Variants in NCOA2 observed in about 807,000 individuals in gnomAD.
NCOA2 encodes class E basic helix-loop-helix protein 75.
In NCOA2, 21 loss-of-function variants were observed where a neutral mutation model predicts 145.1. The observed-to-expected ratio is 0.14, with a 90% CI of 0.10 to 0.21. The LOEUF is 0.21. Ranked by LOEUF, NCOA2 falls within the 10% of genes least tolerant of loss-of-function variation. The pLI is 1.00. For synonymous variants in NCOA2, 619 were observed against 637.5 expected (o/e 0.97, Z 0.44); for missense variants, 1,472 against 1,837.6 (o/e 0.80, Z 3.64).
chr8:70,199,445 C>A (rs1431686732), intron 4 of NCOA2, among the ~76,000 whole-genome samples: 2 of 138,602 alleles, frequency 1.4e-5, no homozygotes, highest in Admixed American at 1.5e-4. Flanking sequence ...GAGTGAGACT[C>A]CATCTCAAAA....
At chr8:70,436,893 G>C in the NCOA2 span, among the ~76,000 whole-genome samples, 1 of 152,224 alleles carries the variant, frequency 6.6e-6, no homozygotes, top group Non-Finnish European at 1.5e-5. Flanking sequence ...TTTAGCTGAG[G>C]GGATTGGGAA....
chr8:70,214,940 T>A (rs1202744150), intron 3 of NCOA2, among the ~76,000 whole-genome samples: 1 of 152,092 alleles, frequency 6.6e-6, no homozygotes, highest in Non-Finnish European at 1.5e-5. Flanking sequence ...ATATAATTAT[T>A]TGTATATAAT....
At chr8:70,366,845 T>A (rs972069682) in intron 1 of NCOA2, among the ~76,000 whole-genome samples, 11 of 152,238 alleles carry the variant, frequency 7.2e-5, no homozygotes, top group African/African-American at 2.2e-4. Context: ...AGAACTCCAG[T>A]AGCCACAATT....
At chr8:70,339,062 A>G (rs186870821) in intron 1 of NCOA2, among the ~76,000 whole-genome samples, 4 of 152,326 alleles carry the variant, frequency 2.6e-5, no homozygotes, top group Admixed American at 1.3e-4. Flanking sequence ...TCTATTATGC[A>G]TAGTACTGGA....
At chr8:70,444,300 C>T in the NCOA2 span, among the ~76,000 whole-genome samples, 12 of 152,070 alleles carry the variant, frequency 7.9e-5, no homozygotes, top group African/African-American at 2.9e-4. Context: ...GACAAAATTA[C>T]AGAGATGGAA....
At position 70,159,665 on chromosome 8, in the gene NCOA2, A is replaced by T. The variant is rs893758713; in HGVS notation, c.977-13T>A. ...CCTTGTCTCAGTACTGCAGGCAAGC[A>T]AGGAAACAGAAGGCACGTTTAGAAA... On this transcript the variant is annotated splice_polypyrimidine_tract_variant and intron_variant, in intron 9 of 22. Coordinates refer to ENST00000452400, the MANE Select transcript of NCOA2 (RefSeq NM_006540.4). The T allele has an allele frequency of 6.2e-7, 1 of 1,600,316 alleles. No homozygotes were observed.
At chr8:70,395,010 G>C (rs1438554371) in intron 1 of NCOA2, among the ~76,000 whole-genome samples, 1 of 152,132 alleles carries the variant, frequency 6.6e-6, no homozygotes, top group East Asian at 1.9e-4. Flanking sequence ...AAATCTGTTT[G>C]GTAAAGGGGA....
At chr8:70,283,747 G>T (rs1430573687) in intron 2 of NCOA2, among the ~76,000 whole-genome samples, 6 of 152,132 alleles carry the variant, frequency 3.9e-5, no homozygotes, top group East Asian at 1.9e-4. Flanking sequence ...CAGATTTCTG[G>T]TTTTTTTCAG....
At position 70,214,846 on chromosome 8, in the gene NCOA2, G is replaced by A. The variant is rs1244306349; in HGVS notation, c.87-771C>T. ...ATACAATTATTTTCTCAAGTGCAAA[G>A]GGGGGCCCATTAAATGACATTCAAA... On this transcript the variant is annotated intron_variant, in intron 3 of 22. Coordinates refer to ENST00000452400, the MANE Select transcript of NCOA2 (RefSeq NM_006540.4). 5.3e-5 allele frequency among the ~76,000 whole-genome samples: 8 copies of A among 152,144 alleles called. No individual in the cohort carries two copies. The East Asian group carries it at 1.5e-3, about 29-fold the overall frequency.
At chr8:70,232,196 C>A (rs78820765) in intron 2 of NCOA2, among the ~76,000 whole-genome samples, 8,361 of 152,224 alleles carry the variant, frequency 0.055, 304 homozygotes, top group East Asian at 0.16. Context: ...AGCCCCTGCC[C>A]CTTTCCGTCA....
At chr8:70,292,974 T>G (rs2135693979) in intron 2 of NCOA2, among the ~76,000 whole-genome samples, 1 of 152,176 alleles carries the variant, frequency 6.6e-6, no homozygotes, top group African/African-American at 2.4e-5. Flanking sequence ...TGCAGAGGAG[T>G]CTACCCTGTG....
intron 2 of NCOA2, among the ~76,000 whole-genome samples, chr8:70,218,701 G>GA (rs1206492710): frequency 2.6e-5 from 4 of 152,104 alleles, no homozygotes; most frequent in Non-Finnish European, 5.9e-5. Context: ...TGAGATGTAA[G>GA]AAAAAACATT....
intron 2 of NCOA2, among the ~76,000 whole-genome samples, chr8:70,236,677 A>G (rs1821636460): frequency 6.6e-6 from 1 of 152,208 alleles, no homozygotes; most frequent in African/African-American, 2.4e-5. Context: ...CTTAAAAGAA[A>G]AAAACAACAA....
At chr8:70,316,883 G>A (rs538747923) in intron 1 of NCOA2, among the ~76,000 whole-genome samples, 87 of 152,208 alleles carry the variant, frequency 5.7e-4, no homozygotes, top group African/African-American at 1.9e-3. Flanking sequence ...GATGACGCCC[G>A]AGACCCATGG....
intron 1 of NCOA2, among the ~76,000 whole-genome samples, chr8:70,318,438 A>G (rs985578420): frequency 2.0e-5 from 3 of 152,102 alleles, no homozygotes; most frequent in Non-Finnish European, 4.4e-5. Context: ...TAACTGACAC[A>G]CCTGAACCTA....
At chr8:70,447,750 C>T in the NCOA2 span, among the ~76,000 whole-genome samples, 2 of 143,192 alleles carry the variant, frequency 1.4e-5, no homozygotes, top group Non-Finnish European at 3.0e-5. Context: ...AGTGGCGCCA[C>T]CATGGCTCAC....
chr8:70,365,160 C>T (rs1346026129), intron 1 of NCOA2, among the ~76,000 whole-genome samples: 1 of 151,924 alleles, frequency 6.6e-6, no homozygotes, highest in African/African-American at 2.4e-5. Context: ...TGACGAAACC[C>T]CATCTCTACA....
intron 1 of NCOA2, among the ~76,000 whole-genome samples, chr8:70,298,177 G>A (rs533166010): frequency 1.3e-5 from 2 of 152,154 alleles, no homozygotes; most frequent in Non-Finnish European, 2.9e-5. Flanking sequence ...CCCTTTACTC[G>A]TTAAAACAGT....
At chr8:70,437,099 C>T in the NCOA2 span, among the ~76,000 whole-genome samples, 7 of 152,206 alleles carry the variant, frequency 4.6e-5, no homozygotes, top group African/African-American at 1.7e-4. Flanking sequence ...CCACATAGGC[C>T]CATCTTAGTT....
Sources: gnomAD v4.1 joint callset for allele counts (sites outside exome capture counted in the v4.1 genomes callset) on GRCh38, gnomAD v4.1.1 for gene constraint, MANE v1.5 for transcripts, NCBI Gene and HGNC (gene_info 2026-07-23, HGNC 2026-07-21) for gene names.